Variants in RAB27A observed in about 807,000 individuals in gnomAD.
RAB27A encodes ras-related protein Rab-27A.
Under a neutral mutation model 20.8 loss-of-function variants are expected in RAB27A, and 17 were observed. The ratio of observed to expected loss-of-function variants is 0.82; its 90% confidence interval spans 0.56 to 1.23. The LOEUF is 1.23. RAB27A is among the 50% of genes most tolerant of loss of function. The probability of loss-of-function intolerance (pLI) is 0.00; values close to 1 mark genes in which losing one functional copy is unlikely to be tolerated. For synonymous variants in RAB27A, 85 were observed against 92.8 expected, an observed-to-expected ratio of 0.92 and a Z score of 0.48; for missense variants, 277 against 266.7, an observed-to-expected ratio of 1.04 and a Z score of -0.27.
chr15:55,218,547 G>T (rs1049185338), intron 6 of RAB27A, among the ~76,000 whole-genome samples: 4 of 152,164 alleles, frequency 2.6e-5, no homozygotes, highest in African/African-American at 9.7e-5. Context: ...TGAAATCCCT[G>T]AAATGATCCA....
chr15:55,236,890 A>C (rs574854089), intron 2 of RAB27A, among the ~76,000 whole-genome samples: 1 of 152,270 alleles, frequency 6.6e-6, no homozygotes, highest in African/African-American at 2.4e-5. Context: ...TAAAATACAC[A>C]ATACATTTTT....
At chr15:55,262,407 T>G (rs948399795) in intron 2 of RAB27A, among the ~76,000 whole-genome samples, 3 of 151,396 alleles carry the variant, frequency 2.0e-5, no homozygotes, top group African/African-American at 4.9e-5. Flanking sequence ...CCGGGCGTGG[T>G]GGTAGGCACC....
chr15:55,307,020 G>A (rs1595756728), intron 2 of RAB27A, among the ~76,000 whole-genome samples: 1 of 151,938 alleles, frequency 6.6e-6, no homozygotes, highest in South Asian at 2.1e-4. Flanking sequence ...GGTTTGATTC[G>A]AGTGTGATGT....
In RAB27A at chr15:55,209,904, G is replaced by A. The variant is rs866002272; in HGVS notation, c.468-4199C>T. Among the ~76,000 whole-genome samples, 30 of 81,282 alleles carry A rather than the reference G, an allele frequency of 3.7e-4. 1 individual carries two copies. The highest frequency in any genetic ancestry group is 1.2e-3 in the African/African-American group (12 of 10,118). 53.3% of individuals were successfully genotyped at this position (81,282 alleles called of 152,430 possible). On this transcript the variant is annotated intron_variant, in intron 6 of 6. Coordinates refer to ENST00000336787, the MANE Select transcript of RAB27A (RefSeq NM_183235.3). Reference sequence around the variant, plus strand: ...TGTGTGTATACATATATACACATATGTGTGTGTATGTATATACACACATAT... The same window carrying A: ...TGTGTGTATACATATATACACATATATGTGTGTATGTATATACACACATAT...
At chr15:55,318,305 G>C (rs1440736687) in intron 1 of RAB27A, among the ~76,000 whole-genome samples, 2 of 151,216 alleles carry the variant, frequency 1.3e-5, no homozygotes, top group Admixed American at 6.6e-5. Context: ...CACCGTGTTA[G>C]CCAGGATGGT....
rs554967424 is a variant in RAB27A at position 55,205,580 on chromosome 15, A to G, written c.593T>C (p.Val198Ala). The change falls in exon 7 of 7, where the codon GTG becomes GCG. Residue 198 changes from valine (V) to alanine (A), a missense_variant. Coordinates refer to ENST00000336787, the MANE Select transcript of RAB27A (RefSeq NM_183235.3). The part of the protein sequence containing the change: ...CVDKSWIPEG[V>A]VRSNGHASTD... ...AGAGGCATGACCATTTGATCGCACC[A>G]CTCCTTCAGGAATCCAGGACTTGTC... The G allele has an allele frequency of 2.9e-5, 46 of 1,613,626 alleles. No homozygotes were observed. In the South Asian group the frequency reaches 4.6e-4, roughly 16 times the overall value.
intron 1 of RAB27A, among the ~76,000 whole-genome samples, chr15:55,271,193 C>G (rs924511275): frequency 1.3e-5 from 2 of 152,164 alleles, no homozygotes; most frequent in African/African-American, 4.8e-5. Context: ...TGGCTCCCCA[C>G]AATCTCCACA....
rs141222527 is a variant in RAB27A at position 55,205,579 on chromosome 15, C to T, written c.594G>A (p.Val198=). 6.3e-4 allele frequency: 1,021 copies of T among 1,614,132 alleles called. 1 individual carries two copies. In the African/African-American group the frequency reaches 0.012, roughly 19 times the overall value. The change falls in exon 7 of 7, where the codon GTG becomes GTA. Residue 198 remains valine (V), a synonymous_variant. Transcript: ENST00000336787. ...CVDKSWIPEG[V]VRSNGHASTD... ...TAGAGGCATGACCATTTGATCGCAC[C>T]ACTCCTTCAGGAATCCAGGACTTGT... is the stretch of plus-strand genomic sequence containing the variant.
chr15:55,314,248 A>G (rs893491855), intron 1 of RAB27A: 9 of 152,154 alleles, frequency 5.9e-5, no homozygotes, highest in Admixed American at 4.6e-4. Flanking sequence ...ATTTTAAGAA[A>G]AAGGATATCA....
intron 2 of RAB27A, among the ~76,000 whole-genome samples, chr15:55,310,873 A>G (rs973856976): frequency 6.6e-6 from 1 of 152,130 alleles, no homozygotes; most frequent in African/African-American, 2.4e-5. Context: ...TGCTTCCTCA[A>G]TGCCTCCCTT....
At chr15:55,285,003 T>C (rs1006572912) in intron 1 of RAB27A, among the ~76,000 whole-genome samples, 1 of 152,156 alleles carries the variant, frequency 6.6e-6, no homozygotes, top group Non-Finnish European at 1.5e-5. Flanking sequence ...TTCCTATGCA[T>C]AAACATAAAC....
In RAB27A at chr15:55,240,200, G is replaced by A. The variant is rs571766064; in HGVS notation, c.-22-5244C>T. Among the ~76,000 whole-genome samples, 13 of 152,262 alleles carry A rather than the reference G, an allele frequency of 8.5e-5. No homozygotes were observed. In the East Asian group the frequency reaches 1.9e-3, roughly 23 times the overall value. On this transcript the variant is annotated intron_variant, in intron 2 of 6. Coordinates refer to ENST00000336787, the MANE Select transcript of RAB27A (RefSeq NM_183235.3). ...TCCTCAAATACAGAAATCTAATAAC[G>A]TAAATGATTTTTGTGTTGGCATTTC...
At chr15:55,262,219 T>C (rs78536623) in intron 2 of RAB27A, among the ~76,000 whole-genome samples, 10,558 of 152,050 alleles carry the variant, frequency 0.069, 604 homozygotes, top group African/African-American at 0.16. Flanking sequence ...AAATTACTTC[T>C]TCCTTTCTAA....
rs574261138 is a variant in RAB27A at position 55,282,196 on chromosome 15, A to G, written c.-143+7520T>C. Among the ~76,000 whole-genome samples, 3 of 152,364 alleles carry G rather than the reference A, an allele frequency of 2.0e-5. No individual in the cohort carries two copies. In the South Asian group the frequency reaches 6.2e-4, roughly 32 times the overall value. ...AGATGTCACTTCTTTTGAACAACAC[A>G]TAGAATTTTGGATTGTCCACAGTAC... On this transcript the variant is annotated intron_variant, in intron 1 of 6. Coordinates refer to ENST00000336787, the MANE Select transcript of RAB27A (RefSeq NM_183235.3).
At chr15:55,240,687 G>A (rs1299122951) in intron 2 of RAB27A, among the ~76,000 whole-genome samples, 2 of 152,106 alleles carry the variant, frequency 1.3e-5, no homozygotes. Flanking sequence ...TGTAACTTTG[G>A]AAAATTTATT....
intron 2 of RAB27A, among the ~76,000 whole-genome samples, chr15:55,260,823 A>G (rs1044108777): frequency 6.6e-6 from 1 of 152,218 alleles, no homozygotes; most frequent in Non-Finnish European, 1.5e-5. Context: ...TAGGGCAGTG[A>G]AACTATTTTG....
rs551787124 is a variant in RAB27A, at chr15:55,222,159, G to GTCAGACATAAT, written c.467+1729_467+1730insATTATGTCTGA. On this transcript the variant is annotated intron_variant, in intron 6 of 6. Transcript: ENST00000336787. ...TCCTCCAAACCAATTATGTCTGATG[G>GTCAGACATAAT]TCAGAGGTGAAGCCCAGACATGAGA... Among the ~76,000 whole-genome samples, 376 of 152,248 alleles carry GTCAGACATAAT rather than the reference G, an allele frequency of 2.5e-3. 4 individuals carry two copies. Among genetic ancestry groups the GTCAGACATAAT allele is most frequent in the African/African-American group, 8.6e-3 (356 of 41,532 alleles).
chr15:55,224,688 T>A (rs1020361005), intron 5 of RAB27A, among the ~76,000 whole-genome samples: 1 of 152,198 alleles, frequency 6.6e-6, no homozygotes, highest in Non-Finnish European at 1.5e-5. Context: ...AGCAATTGAC[T>A]CAAACCAAAG....
chr15:55,258,381 T>A (rs1181130292), intron 2 of RAB27A, among the ~76,000 whole-genome samples: 1 of 152,178 alleles, frequency 6.6e-6, no homozygotes, highest in East Asian at 1.9e-4. Context: ...GTTCATGATA[T>A]TTGTATGACC....
Sources: gnomAD v4.1 joint callset for allele counts (sites outside exome capture counted in the v4.1 genomes callset) on GRCh38, gnomAD v4.1.1 for gene constraint, MANE v1.5 for transcripts, NCBI Gene and HGNC (gene_info 2026-07-23, HGNC 2026-07-21) for gene names.